Variants in MYT1L observed in about 807,000 individuals in gnomAD.
The protein encoded by MYT1L is myelin transcription factor 1-like protein.
In MYT1L, 12 loss-of-function variants were observed where a neutral mutation model predicts 126.7. That is an observed-to-expected ratio of 0.09 (90% CI 0.06 to 0.15). The LOEUF is 0.15. MYT1L is among the 10% of genes least tolerant of loss of function. The pLI, the probability that MYT1L is intolerant of heterozygous loss-of-function variation, is 1.00. For synonymous variants in MYT1L, 541 were observed against 604.2 expected, an observed-to-expected ratio of 0.90 and a Z score of 1.53; for missense variants, 979 against 1,585.2, an observed-to-expected ratio of 0.62 and a Z score of 6.49.
At chr2:1,994,227 T>C (rs1293816892) in intron 5 of MYT1L, among the ~76,000 whole-genome samples, 1 of 152,214 alleles carries the variant, frequency 6.6e-6, no homozygotes. Context: ...GACGGGCCTG[T>C]TCCTTCCGGT....
intron 2 of MYT1L, among the ~76,000 whole-genome samples, chr2:2,271,004 G>A (rs964228906): frequency 1.3e-5 from 2 of 152,154 alleles, no homozygotes; most frequent in East Asian, 1.9e-4. Context: ...CGTGTTCTTC[G>A]CTTCCTCCTT....
At chr2:2,284,138 A>G (rs1423897292) in intron 2 of MYT1L, among the ~76,000 whole-genome samples, 1 of 152,222 alleles carries the variant, frequency 6.6e-6, no homozygotes, top group Admixed American at 6.5e-5. Flanking sequence ...TTTATGAAAT[A>G]TTTAGATTAT....
At position 1,922,550 on chromosome 2, in the gene MYT1L, C is replaced by T; in HGVS notation, c.1219G>A (p.Glu407Lys). 1 of 1,614,032 alleles carries T rather than the reference C, an allele frequency of 6.2e-7. No homozygotes were observed. Among genetic ancestry groups the T allele is most frequent in the Non-Finnish European group, 8.5e-7 (1 of 1,179,902 alleles). ...ASCAKEDGCHERDDDTTSVNS... is the reference protein window; with the variant it reads ...ASCAKEDGCHKRDDDTTSVNS... ...ACAGAGGTGGTATCGTCGTCCCGCTCATGACACCCATCCTCCTTCGCACAG... is the reference window on the plus strand; with the variant it reads ...ACAGAGGTGGTATCGTCGTCCCGCTTATGACACCCATCCTCCTTCGCACAG... Residue 407 changes from glutamate to lysine, a missense_variant, in exon 10 of 25, where the codon GAG becomes AAG. Around this residue, in one of 12 missense-constraint regions of MYT1L, gnomAD observed 243 missense variants for 363.9 expected, o/e 0.67. Coordinates refer to ENST00000647738, the MANE Select transcript of MYT1L (RefSeq NM_001303052.2). This position sits in a 1 kb window ranked among gnomAD's most constrained non-coding sequence, Gnocchi z 7.4.
chr2:2,254,891 CT>C (rs2094763552), intron 2 of MYT1L, among the ~76,000 whole-genome samples: 1 of 152,170 alleles, frequency 6.6e-6, no homozygotes, highest in South Asian at 2.1e-4. Flanking sequence ...CTTCCCCAAA[CT>C]TTTACTACAA....
chr2:1,973,136 CCTCT>C (rs748030448), intron 8 of MYT1L, among the ~76,000 whole-genome samples: 1 of 150,724 alleles, frequency 6.6e-6, no homozygotes, highest in Non-Finnish European at 1.5e-5. Context: ...CTAGGAATTT[CCTCT>C]CTCTCTCTCT....
At chr2:1,844,904 T>C (rs2042287325) in intron 19 of MYT1L, among the ~76,000 whole-genome samples, 1 of 151,986 alleles carries the variant, frequency 6.6e-6, no homozygotes, top group African/African-American at 2.4e-5. Context: ...TTCCTGGGCA[T>C]TGGAGCTACA....
intron 1 of MYT1L, chr2:2,319,131 A>G (rs1559662403): frequency 6.6e-6 from 1 of 152,182 alleles, no homozygotes; most frequent in Non-Finnish European, 1.5e-5. Flanking sequence ...AGCCCCTTTC[A>G]GCTGTCTGCA....
intron 3 of MYT1L, among the ~76,000 whole-genome samples, chr2:2,056,276 C>T (rs1206390953): frequency 6.6e-6 from 1 of 152,122 alleles, no homozygotes; most frequent in Non-Finnish European, 1.5e-5. Context: ...CTCAGGCTCT[C>T]CAGGCGTGAG....
intron 3 of MYT1L, among the ~76,000 whole-genome samples, chr2:2,149,878 C>CCTGCATGTGTGGGATCCCT (rs1471980736): frequency 2.7e-4 from 41 of 152,200 alleles, no homozygotes; most frequent in African/African-American, 9.2e-4. Flanking sequence ...TTTTCCCTCT[C>CCTGCATGTGTGGGATCCCT]CAACTGCATG....
chr2:2,174,584 G>C (rs981217434), intron 2 of MYT1L, among the ~76,000 whole-genome samples: 3 of 150,648 alleles, frequency 2.0e-5, no homozygotes, highest in Non-Finnish European at 2.9e-5. Context: ...AGACAACGCA[G>C]TTTGATGAGG....
chr2:2,167,350 C>A (rs146194377), intron 3 of MYT1L, among the ~76,000 whole-genome samples: 1 of 152,322 alleles, frequency 6.6e-6, no homozygotes, highest in African/African-American at 2.4e-5. Flanking sequence ...CACAGCGTTG[C>A]TGCACTGTAA....
intron 4 of MYT1L, among the ~76,000 whole-genome samples, chr2:2,001,173 T>C (rs1019593072): frequency 6.6e-6 from 1 of 151,698 alleles, no homozygotes; most frequent in East Asian, 1.9e-4. Flanking sequence ...TCACTATTAG[T>C]TTTTTTGAAT....
chr2:2,111,694 C>T (rs971829694), intron 3 of MYT1L, among the ~76,000 whole-genome samples: 42 of 152,144 alleles, frequency 2.8e-4, no homozygotes, highest in African/African-American at 1.0e-3. Context: ...AGGTAAAGAC[C>T]GGAGGAGAAA....
At chr2:1,819,854 A>G (rs2038251586) in intron 21 of MYT1L, among the ~76,000 whole-genome samples, 1 of 152,200 alleles carries the variant, frequency 6.6e-6, no homozygotes, top group Admixed American at 6.5e-5. Flanking sequence ...AGCTGGAGGG[A>G]TGGGTAAGAG....
intron 3 of MYT1L, among the ~76,000 whole-genome samples, chr2:2,057,150 T>C (rs1419227516): frequency 6.6e-6 from 1 of 152,200 alleles, no homozygotes; most frequent in Non-Finnish European, 1.5e-5. Flanking sequence ...AGCACCAGTG[T>C]AGGTTTCTGT....
chr2:1,901,547 G>A (rs2050341920), intron 14 of MYT1L, among the ~76,000 whole-genome samples: 1 of 152,040 alleles, frequency 6.6e-6, no homozygotes. Flanking sequence ...ATACCTCCAA[G>A]AAATACTAAA....
intron 2 of MYT1L, among the ~76,000 whole-genome samples, chr2:2,238,246 T>C (rs2094365692): frequency 6.6e-6 from 1 of 152,150 alleles, no homozygotes; most frequent in African/African-American, 2.4e-5. Flanking sequence ...CAGTCCTTAC[T>C]GGGAAACCCA....
intron 2 of MYT1L, among the ~76,000 whole-genome samples, chr2:2,275,038 C>T (rs1047572797): frequency 7.9e-5 from 12 of 152,088 alleles, no homozygotes; most frequent in Non-Finnish European, 1.5e-4. Flanking sequence ...TGAGCAAGTG[C>T]GGTAGAGTCA....
chr2:1,860,577 T>C (rs942347865), intron 18 of MYT1L, among the ~76,000 whole-genome samples: 4 of 152,200 alleles, frequency 2.6e-5, no homozygotes, highest in African/African-American at 9.7e-5. Flanking sequence ...CATTTACATG[T>C]AGTAAAAACA....
Sources: allele counts gnomAD v4.1 joint callset (sites outside exome capture counted in the v4.1 genomes callset), GRCh38; gene constraint gnomAD v4.1.1; regional missense constraint gnomAD v4.1.1; non-coding constraint Gnocchi (gnomAD v3.1); transcripts MANE v1.5; gene names NCBI Gene and HGNC (gene_info 2026-07-23, HGNC 2026-07-21).